CDH10: variants seen among roughly 807,000 people sequenced by gnomAD.
The protein encoded by CDH10 is cadherin-10.
Under a neutral mutation model 73.1 loss-of-function variants are expected in CDH10, and 30 were observed. That is an observed-to-expected ratio of 0.41 (90% confidence interval 0.31 to 0.56). The LOEUF (loss-of-function observed/expected upper bound fraction) is 0.56. Ranked by LOEUF, CDH10 falls within the 20% of genes least tolerant of loss-of-function variation. The pLI is 0.27. For missense variants in CDH10, 815 were observed against 973.7 expected (o/e 0.84, Z 2.17); for synonymous variants, 345 against 348.2 (o/e 0.99, Z 0.10).
At position 24,496,455 on chromosome 5, in the gene CDH10, C is replaced by T. The variant is rs61704649; in HGVS notation, c.1515+1943G>A. ...GGTCAAGCAGCCTAGTTCAGGCACA[C>T]GAGGGGACTACTAATATTACATCAG... On this transcript the variant is annotated intron_variant, in intron 9 of 11. Coordinates refer to ENST00000264463, the MANE Select transcript of CDH10 (RefSeq NM_006727.5). 8.4e-4 allele frequency among the ~76,000 whole-genome samples: 128 copies of T among 152,164 alleles called. 1 individual carries two copies. The highest frequency in any genetic ancestry group is 3.0e-3 in the African/African-American group (123 of 41,508).
At chr5:24,600,411 A>G (rs1196863772) in intron 1 of CDH10, among the ~76,000 whole-genome samples, 1 of 152,134 alleles carries the variant, frequency 6.6e-6, no homozygotes, top group Non-Finnish European at 1.5e-5. Context: ...ATCTCAATGG[A>G]GCCATGAATT....
chr5:24,503,259 T>A (rs1161493249), intron 8 of CDH10, among the ~76,000 whole-genome samples: 1 of 152,216 alleles, frequency 6.6e-6, no homozygotes, highest in Non-Finnish European at 1.5e-5. Context: ...GTATTACAGA[T>A]CTAAAATTTA....
At chr5:24,627,080 A>G (rs1747534025) in intron 1 of CDH10, among the ~76,000 whole-genome samples, 1 of 151,896 alleles carries the variant, frequency 6.6e-6, no homozygotes, top group Non-Finnish European at 1.5e-5. Flanking sequence ...AAAATATTCT[A>G]TGCACATTAA....
chr5:24,498,296 GTAT>G (rs1325750251), intron 9 of CDH10, 99 bp downstream of exon 9: 1 of 680,820 alleles, frequency 1.5e-6, no homozygotes, highest in African/African-American at 1.8e-5. Context: ...CTCTATATGA[GTAT>G]TTCCATCTCT....
intron 2 of CDH10, among the ~76,000 whole-genome samples, chr5:24,541,374 C>A (rs1437801709): frequency 2.6e-5 from 4 of 151,946 alleles, no homozygotes; most frequent in Admixed American, 6.6e-5. Flanking sequence ...GTCTGCGGCA[C>A]AATTTTACTT....
chr5:24,618,002 G>A (rs897887649), intron 1 of CDH10, among the ~76,000 whole-genome samples: 3 of 152,146 alleles, frequency 2.0e-5, no homozygotes, highest in Non-Finnish European at 4.4e-5. Context: ...TCTGTATCAT[G>A]TGCAATGGCT....
At chr5:24,623,855 T>C (rs1203026638) in intron 1 of CDH10, among the ~76,000 whole-genome samples, 1 of 152,138 alleles carries the variant, frequency 6.6e-6, no homozygotes, top group East Asian at 1.9e-4. Context: ...CTGTCAACTA[T>C]ACCAGTGATG....
intron 2 of CDH10, among the ~76,000 whole-genome samples, chr5:24,540,170 T>C (rs1579780495): frequency 6.6e-6 from 1 of 151,914 alleles, no homozygotes; most frequent in East Asian, 1.9e-4. Flanking sequence ...AGGAATCAAT[T>C]AGGATTTGTT....
At chr5:24,613,417 CTA>C (rs1452920944) in intron 1 of CDH10, among the ~76,000 whole-genome samples, 2 of 145,590 alleles carry the variant, frequency 1.4e-5, no homozygotes, top group East Asian at 2.0e-4. Flanking sequence ...TCTTTATTTT[CTA>C]TGTGTTCTCT....
intron 1 of CDH10, among the ~76,000 whole-genome samples, chr5:24,607,876 T>G (rs930023643): frequency 3.9e-5 from 6 of 152,220 alleles, no homozygotes; most frequent in African/African-American, 7.2e-5. Flanking sequence ...TATCTGGTGA[T>G]TAAACATTAT....
intron 8 of CDH10, among the ~76,000 whole-genome samples, chr5:24,500,755 C>A (rs1357767123): frequency 6.6e-6 from 1 of 152,112 alleles, no homozygotes; most frequent in Non-Finnish European, 1.5e-5. Context: ...TAATCATTAC[C>A]ATCATCTTTA....
chr5:24,565,217 T>C (rs1049170752), intron 2 of CDH10, among the ~76,000 whole-genome samples: 4 of 152,218 alleles, frequency 2.6e-5, no homozygotes. Context: ...CAAAATTGTC[T>C]TTATTCAGAC....
At chr5:24,607,545 T>C (rs919966422) in intron 1 of CDH10, among the ~76,000 whole-genome samples, 3 of 152,180 alleles carry the variant, frequency 2.0e-5, no homozygotes, top group Non-Finnish European at 4.4e-5. Flanking sequence ...ACTTATACGC[T>C]AAGCTTACAA....
chr5:24,488,292 A>G (rs533724527), intron 11 of CDH10, 139 bp from the exon 12 acceptor site: 3 of 732,948 alleles, frequency 4.1e-6, no homozygotes, highest in Non-Finnish European at 6.5e-6. Context: ...TGCTTCCCAC[A>G]GTTTGGGGGA....
intron 1 of CDH10, among the ~76,000 whole-genome samples, chr5:24,637,222 G>T (rs770975753): frequency 6.6e-6 from 1 of 151,838 alleles, no homozygotes; most frequent in Non-Finnish European, 1.5e-5. Context: ...TGTCTTTCTG[G>T]ATGCTTGCAC....
At chr5:24,575,234 C>G (rs2112036437) in intron 2 of CDH10, among the ~76,000 whole-genome samples, 1 of 146,132 alleles carries the variant, frequency 6.8e-6, no homozygotes, top group East Asian at 2.1e-4. Context: ...TGGTGGCATA[C>G]ACCTGTAATC....
chr5:24,509,924 A>C, intron 6 of CDH10, 105 bp from the exon 7 acceptor site: 4 of 730,104 alleles, frequency 5.5e-6, no homozygotes, highest in South Asian at 2.2e-5. Flanking sequence ...TCTCTTACAT[A>C]GTTCATTAAT....
intron 1 of CDH10, among the ~76,000 whole-genome samples, chr5:24,620,728 GT>G (rs1009766225): frequency 6.9e-4 from 105 of 151,234 alleles, no homozygotes; most frequent in African/African-American, 2.5e-3. Context: ...GGCAGAACAG[GT>G]TTTTTTTTCA....
chr5:24,639,534 A>C (rs1157863042), intron 1 of CDH10, among the ~76,000 whole-genome samples: 1 of 151,834 alleles, frequency 6.6e-6, no homozygotes, highest in African/African-American at 2.4e-5. Flanking sequence ...TATTCAGCTT[A>C]TTGATTATTT....
Sources: allele counts gnomAD v4.1 joint callset (sites outside exome capture counted in the v4.1 genomes callset), GRCh38; gene constraint gnomAD v4.1.1; transcripts MANE v1.5; gene names NCBI Gene and HGNC (gene_info 2026-07-23, HGNC 2026-07-21).